Variants in RBM22 observed in about 807,000 individuals in gnomAD.
RBM22 encodes the protein pre-mRNA-splicing factor RBM22.
RBM22 carries 1 observed loss-of-function variant against 50.1 expected under a neutral mutation model. The ratio of observed to expected loss-of-function variants is 0.02; its 90% CI spans 0.01 to 0.09. The LOEUF (loss-of-function observed/expected upper bound fraction) is 0.09. Ranked by LOEUF, RBM22 falls within the 10% of genes least tolerant of loss-of-function variation. RBM22 has a pLI of 1.00. For missense variants in RBM22, 264 were observed against 529.3 expected (o/e 0.50, Z 4.92); for synonymous variants, 152 against 179.0 (o/e 0.85, Z 1.20).
chr5:150,697,584 G>A (rs770414311), intron 4 of RBM22: 1 of 161,630 alleles, frequency 6.2e-6, no homozygotes, highest in Admixed American at 6.5e-5. Flanking sequence ...AGATCCTCTG[G>A]ATAGTCACAG....
chr5:150,697,068 G>A (rs1581547510), intron 4 of RBM22, among the ~76,000 whole-genome samples, 177 bp from the exon 5 acceptor site: 1 of 152,134 alleles, frequency 6.6e-6, no homozygotes, highest in East Asian at 1.9e-4. Flanking sequence ...TACACAGCAT[G>A]CTAAGAAATT....
chr5:150,698,864 A>G (rs1234240037), intron 3 of RBM22, among the ~76,000 whole-genome samples: 2 of 152,208 alleles, frequency 1.3e-5, no homozygotes, highest in Non-Finnish European at 2.9e-5. Flanking sequence ...CCCATCCTAG[A>G]GCTAAGCACC....
At chr5:150,692,277 G>A (rs924311723) in intron 10 of RBM22, among the ~76,000 whole-genome samples, 19 of 152,186 alleles carry the variant, frequency 1.2e-4, no homozygotes, top group African/African-American at 4.6e-4. Flanking sequence ...ATTCTCTTCA[G>A]AGTATGGGCT....
intron 9 of RBM22, 93 bp from the exon 10 acceptor site, chr5:150,693,119 G>C: frequency 1.3e-6 from 2 of 1,543,944 alleles, no homozygotes; most frequent in South Asian, 1.2e-5. Context: ...CCTACTGGGA[G>C]AGTAGAGCGG....
At chr5:150,700,255 C>G (rs1759328248) in intron 2 of RBM22, among the ~76,000 whole-genome samples, 189 bp downstream of exon 2, 1 of 152,164 alleles carries the variant, frequency 6.6e-6, no homozygotes, top group African/African-American at 2.4e-5. Flanking sequence ...TCGTTATTAC[C>G]CCTACATTAC....
rs1372520795 is a variant in RBM22 at position 150,696,294 on chromosome 5, T to C, written c.545+239A>G. On this transcript the variant is annotated intron_variant, in intron 6 of 10. Transcript: ENST00000199814. The surrounding 1 kb of genome is among the most constrained non-coding windows in gnomAD (Gnocchi z 4.3). Reference sequence around the variant, plus strand: ...TGAAGATTTACTTCTCAGGCAGAAATGTTTAGGGTCAGCATCTATATTGTA... The same window carrying C: ...TGAAGATTTACTTCTCAGGCAGAAACGTTTAGGGTCAGCATCTATATTGTA... 6.6e-6 allele frequency among the ~76,000 whole-genome samples: 1 copy of C among 152,078 alleles called. No individual in the cohort carries two copies. Among genetic ancestry groups the C allele is most frequent in the African/African-American group, 2.4e-5 (1 of 41,408 alleles).
intron 7 of RBM22, chr5:150,694,619 A>C: frequency 6.1e-6 from 1 of 164,832 alleles, no homozygotes. Flanking sequence ...GTGGCCCACA[A>C]TGCCTAAAAT....
rs771015383 is a variant in RBM22 at position 150,693,232 on chromosome 5, T to A, written c.987A>T (p.Pro329=). The A allele has an allele frequency of 4.3e-6, 7 of 1,613,466 alleles. No homozygotes were observed. The African/African-American group carries it at 9.3e-5, about 22-fold the overall frequency. The change falls in exon 9 of 11, where the codon CCA becomes CCT. Residue 329 remains proline, a synonymous_variant. Coordinates refer to ENST00000199814, the MANE Select transcript of RBM22 (RefSeq NM_018047.3). ...GTCTGCACTCACCTCCTGGCAATCC[T>A]GGAACAGGTTCTAGTTTGATCCCAG... ...TDSGIKLEPV[P]GLPGALPPPP...
At chr5:150,700,871 C>G in intron 1 of RBM22, 61 bp downstream of exon 1, 2 of 1,614,010 alleles carry the variant, frequency 1.2e-6, no homozygotes, top group Non-Finnish European at 8.5e-7. Flanking sequence ...CCTGTCCTGC[C>G]AGCTTGCAAG....
At position 150,696,908 on chromosome 5, in the gene RBM22, G is replaced by A. The variant is rs1263041141; in HGVS notation, c.272-17C>T. The A allele has an allele frequency of 6.2e-7, 1 of 1,609,606 alleles. No homozygotes were observed. The highest frequency in any genetic ancestry group is 8.5e-7 in the Non-Finnish European group (1 of 1,176,100). On this transcript the variant is annotated splice_polypyrimidine_tract_variant and intron_variant, in intron 4 of 10. Coordinates refer to ENST00000199814, the MANE Select transcript of RBM22 (RefSeq NM_018047.3). This position sits in a 1 kb window ranked among gnomAD's most constrained non-coding sequence, Gnocchi z 4.3. ...TGGGCAGGCCTGGTACAAAAAAAGA[G>A]GAAAAAGACCTCAGATGTATTTTAA...
intron 8 of RBM22, among the ~76,000 whole-genome samples, chr5:150,693,863 G>T (rs1227620923): frequency 1.6e-4 from 25 of 152,142 alleles, no homozygotes; most frequent in Non-Finnish European, 3.5e-4. Context: ...CAAAGGAGTA[G>T]ATTATACACC....
chr5:150,692,689 C>T (rs749391882), intron 10 of RBM22, among the ~76,000 whole-genome samples: 2 of 152,130 alleles, frequency 1.3e-5, no homozygotes, highest in African/African-American at 4.8e-5. Context: ...GACACATATA[C>T]GCGGATCTTT....
intron 3 of RBM22, 61 bp from the exon 4 acceptor site, chr5:150,698,692 C>G: frequency 6.3e-7 from 1 of 1,583,972 alleles, no homozygotes; most frequent in Non-Finnish European, 8.6e-7. Flanking sequence ...ATCTGGAGAT[C>G]TGATAACAAC....
chr5:150,691,110 C>G lies in RBM22; in HGVS notation c.*641G>C, dbSNP rs1216805197. On this transcript the variant is annotated 3_prime_UTR_variant, in exon 11 of 11. Transcript: ENST00000199814. ...AGCTCCATGAAATTTGTGTTTCCATCCAGTTGACAGGAATAAAAAGGAATT... is the reference window on the plus strand; with the variant it reads ...AGCTCCATGAAATTTGTGTTTCCATGCAGTTGACAGGAATAAAAAGGAATT... The G allele has an allele frequency of 6.6e-6, 1 of 152,310 alleles. No homozygotes were observed. The highest frequency in any genetic ancestry group is 2.4e-5 in the African/African-American group (1 of 41,410). The allele number at this position is 152,310 out of a possible 1,614,324, so 9.4% of individuals were successfully genotyped here.
rs1759207808 is a variant in RBM22 at position 150,691,477 on chromosome 5, C to G, written c.*274G>C. ...CTGCTGGACATTCCAATTCACTCAT[C>G]TGCGTGTCCCCCACACGGGTAAGGG... On this transcript the variant is annotated 3_prime_UTR_variant, in exon 11 of 11. Coordinates refer to ENST00000199814, the MANE Select transcript of RBM22 (RefSeq NM_018047.3). 3.8e-6 allele frequency: 1 copy of G among 266,050 alleles called. No homozygotes were observed. The highest frequency in any genetic ancestry group is 2.2e-5 in the African/African-American group (1 of 45,486). 16.5% of individuals were successfully genotyped at this position (266,050 alleles called of 1,614,324 possible).
rs1759211388 is a variant in RBM22, at chr5:150,691,727, G to A, written c.*24C>T. 9 of 1,489,396 alleles carry A rather than the reference G, an allele frequency of 6.0e-6. No individual in the cohort carries two copies. Among genetic ancestry groups the A allele is most frequent in the Non-Finnish European group, 8.1e-6 (9 of 1,117,024 alleles). 92.3% of individuals were successfully genotyped at this position (1,489,396 alleles called of 1,614,324 possible). ...AGTTTTAAGTGCCCTTTCTTCCACA[G>A]AGCCCCAGAGTGGTGACAAGGTGCT... is the stretch of plus-strand genomic sequence containing the variant. On this transcript the variant is annotated 3_prime_UTR_variant, in exon 11 of 11. Transcript: ENST00000199814.
intron 10 of RBM22, 100 bp downstream of exon 10, chr5:150,692,795 C>A: frequency 1.5e-6 from 2 of 1,320,790 alleles, no homozygotes; most frequent in Non-Finnish European, 2.1e-6. Flanking sequence ...TTCTACAGAG[C>A]AAACTCACAG....
At position 150,700,854 on chromosome 5, in the gene RBM22, C is replaced by T. The variant is rs780617815; in HGVS notation, c.54+78G>A. On this transcript the variant is annotated intron_variant, in intron 1 of 10. Coordinates refer to ENST00000199814, the MANE Select transcript of RBM22 (RefSeq NM_018047.3). Reference sequence around the variant, plus strand: ...CTCCCCGGTATTCCTTCGGCCGCGCCGCAGGCCCTGTCCTGCCAGCTTGCA... The same window carrying T: ...CTCCCCGGTATTCCTTCGGCCGCGCTGCAGGCCCTGTCCTGCCAGCTTGCA... 7 of 1,613,312 alleles carry T rather than the reference C, an allele frequency of 4.3e-6. No individual in the cohort carries two copies. In the African/African-American group the frequency reaches 9.3e-5, roughly 22 times the overall value.
At chr5:150,695,800 C>A in intron 6 of RBM22, 94 bp from the exon 7 acceptor site, 1 of 1,059,370 alleles carries the variant, frequency 9.4e-7, no homozygotes, top group Admixed American at 2.3e-5. Flanking sequence ...GTCCTAGATA[C>A]ATATTCTGAA....
Sources: allele counts gnomAD v4.1 joint callset (sites outside exome capture counted in the v4.1 genomes callset), GRCh38; gene constraint gnomAD v4.1.1; non-coding constraint Gnocchi (gnomAD v3.1); transcripts MANE v1.5; gene names NCBI Gene and HGNC (gene_info 2026-07-23, HGNC 2026-07-21).